CA12: variants seen among roughly 807,000 people sequenced by gnomAD.
CA12 encodes the protein carbonate dehydratase XII.
Under a neutral mutation model 46.8 loss-of-function variants are expected in CA12, and 36 were observed. That is an observed-to-expected ratio of 0.77 (90% CI 0.59 to 1.02). The LOEUF (loss-of-function observed/expected upper bound fraction) is 1.02. Among genes scored for constraint, CA12 ranks in the 50% least tolerant of loss-of-function variants. CA12 has a pLI of 0.00. For missense variants in CA12, 436 were observed against 451.4 expected (o/e 0.97, Z 0.31); for synonymous variants, 202 against 187.0 (o/e 1.08, Z -0.65).
rs1453932501 is a variant in CA12, at chr15:63,327,004, A to G, written c.992+145T>C. On this transcript the variant is annotated intron_variant, in intron 10 of 10. Transcript: ENST00000178638. This position sits in a 1 kb window ranked among gnomAD's most constrained non-coding sequence, Gnocchi z 4.5. The stretch of plus-strand genomic sequence containing the variant: ...CGTCTCATGCAAAGGAGGCCAGGGC[A>G]CGGGTGCTTTGGGGACGGCCCTCCT... The G allele has an allele frequency of 2.8e-6, 2 of 706,130 alleles. No homozygotes were observed. The highest frequency in any genetic ancestry group is 3.5e-5 in the African/African-American group (2 of 57,080). The allele number at this position is 706,130 out of a possible 1,614,324, so 43.7% of individuals were successfully genotyped here. A position where few individuals can be genotyped will look rare whatever the true frequency, so the allele number is the denominator to read the frequency against.
rs1196870049 is a variant in CA12, at chr15:63,348,899, G to A, written c.107-2190C>T. On this transcript the variant is annotated intron_variant, in intron 2 of 10. Transcript: ENST00000178638. The surrounding 1 kb of genome is among the most constrained non-coding windows in gnomAD (Gnocchi z 4.6). ...AGGGCTTGGGAAAATGTGACTTGGG[G>A]AATGTTTCCTTTTTCTCTTGCTCTA... 6.6e-6 allele frequency among the ~76,000 whole-genome samples: 1 copy of A among 152,238 alleles called. No individual in the cohort carries two copies.
intron 4 of CA12, among the ~76,000 whole-genome samples, chr15:63,344,690 C>A (rs1004589175): frequency 2.8e-4 from 43 of 152,198 alleles, no homozygotes; most frequent in African/African-American, 5.8e-4. Context: ...CCTGGCTGAT[C>A]AGTCAGCAGC....
Position 63,329,843 on chromosome 15 carries a change from G to T in CA12, c.875-1713C>A, listed in dbSNP as rs537457800. Among the ~76,000 whole-genome samples, 1 of 152,282 alleles carries T rather than the reference G, an allele frequency of 6.6e-6. No homozygotes were observed. The highest frequency in any genetic ancestry group is 2.1e-4 in the South Asian group (1 of 4,818). The stretch of plus-strand genomic sequence containing the variant: ...TTTGCTCACTGCCCCTTCTCCTGTC[G>T]TATGGCCCAAGTCTAGCTGATTCCC... On this transcript the variant is annotated intron_variant, in intron 8 of 10. Coordinates refer to ENST00000178638, the MANE Select transcript of CA12 (RefSeq NM_001218.5). This position sits in a 1 kb window ranked among gnomAD's most constrained non-coding sequence, Gnocchi z 4.8.
chr15:63,370,720 C>G (rs1003716183), intron 2 of CA12, among the ~76,000 whole-genome samples: 2 of 151,422 alleles, frequency 1.3e-5, no homozygotes, highest in African/African-American at 4.9e-5. Flanking sequence ...TTGCAGTGAG[C>G]CAAGATTGCA....
rs1349908579 is a variant in CA12, at chr15:63,329,901, T to C, written c.875-1771A>G. On this transcript the variant is annotated intron_variant, in intron 8 of 10. Coordinates refer to ENST00000178638, the MANE Select transcript of CA12 (RefSeq NM_001218.5). The surrounding 1 kb of genome is among the most constrained non-coding windows in gnomAD (Gnocchi z 4.8). ...CATCAGCCGTGTGCTTTTCCGATTG[T>C]CTTTTTCTGCAATCTCACATTGAAC... Among the ~76,000 whole-genome samples the C allele has an allele frequency of 6.6e-6, 1 of 152,194 alleles. No individual in the cohort carries two copies. The highest frequency in any genetic ancestry group is 1.9e-4 in the East Asian group (1 of 5,198).
rs2038926340 is a variant in CA12, at chr15:63,330,653, G to A, written c.875-2523C>T. ...TTCATGCCTGGTCTTGGGGAGCTGA[G>A]CAAAGTCTATGGAGAGCAAGGCCCC... On this transcript the variant is annotated intron_variant, in intron 8 of 10. Coordinates refer to ENST00000178638, the MANE Select transcript of CA12 (RefSeq NM_001218.5). This position sits in a 1 kb window ranked among gnomAD's most constrained non-coding sequence, Gnocchi z 4.0. Among the ~76,000 whole-genome samples, 1 of 152,176 alleles carries A rather than the reference G, an allele frequency of 6.6e-6. No homozygotes were observed. The highest frequency in any genetic ancestry group is 1.5e-5 in the Non-Finnish European group (1 of 68,024).
rs2038890009 is a variant in CA12, at chr15:63,328,044, A to G, written c.907+54T>C. 6.4e-7 allele frequency: 1 copy of G among 1,555,560 alleles called. No individual in the cohort carries two copies. The highest frequency in any genetic ancestry group is 2.2e-5 in the East Asian group (1 of 44,602). ...GAGGACGGGCTTGGATCACACCAAGAATCACAGTGATCACCCAGCTGCAGC... is the reference window on the plus strand; with the variant it reads ...GAGGACGGGCTTGGATCACACCAAGGATCACAGTGATCACCCAGCTGCAGC... On this transcript the variant is annotated intron_variant, in intron 9 of 10. Coordinates refer to ENST00000178638, the MANE Select transcript of CA12 (RefSeq NM_001218.5). This position sits in a 1 kb window ranked among gnomAD's most constrained non-coding sequence, Gnocchi z 5.9.
rs1161922346 is a variant in CA12, at chr15:63,355,135, C to A, written c.107-8426G>T. 6.6e-6 allele frequency among the ~76,000 whole-genome samples: 1 copy of A among 152,180 alleles called. No individual in the cohort carries two copies. The highest frequency in any genetic ancestry group is 1.9e-4 in the East Asian group (1 of 5,204). ...TTCATCGTGGAGAGGCTCTGCCCAC[C>A]TCTCTCTGGACTTTTCTGTGTCTGC... On this transcript the variant is annotated intron_variant, in intron 2 of 10. Transcript: ENST00000178638. The surrounding 1 kb of genome is among the most constrained non-coding windows in gnomAD (Gnocchi z 4.1).
Position 63,341,902 on chromosome 15 carries a change from GAACAGCTGATTATC to G in CA12, c.525+86_525+99del. The G allele has an allele frequency of 1.2e-6, 1 of 824,040 alleles. No homozygotes were observed. The highest frequency in any genetic ancestry group is 1.4e-5 in the South Asian group (1 of 69,926). The allele number at this position is 824,040 out of a possible 1,614,324, so 51.0% of individuals were successfully genotyped here. ...TGGAGTTGACACGGAGTCGATACAG[GAACAGCTGATTATC>G]AACAGGTATGCATGGAACAAAAGGT... On this transcript the variant is annotated intron_variant, in intron 5 of 10. Coordinates refer to ENST00000178638, the MANE Select transcript of CA12 (RefSeq NM_001218.5). This position sits in a 1 kb window ranked among gnomAD's most constrained non-coding sequence, Gnocchi z 5.2.
At chr15:63,354,690 C>G (rs1013167033) in intron 2 of CA12, among the ~76,000 whole-genome samples, 1 of 152,184 alleles carries the variant, frequency 6.6e-6, no homozygotes, top group Non-Finnish European at 1.5e-5. Flanking sequence ...CTCTGTGGCT[C>G]TAGTCACAGG....
At position 63,326,223 on chromosome 15, in the gene CA12, G is replaced by T; in HGVS notation, c.*62C>A. On this transcript the variant is annotated 3_prime_UTR_variant, in exon 11 of 11. Transcript: ENST00000178638. ...TTGAGGTGTCGCAAGTGTCCAGAGA[G>T]CCGAAGTGTGTAGGGTCCAAAGCAA... 8.0e-7 allele frequency: 1 copy of T among 1,250,572 alleles called. No individual in the cohort carries two copies. Among genetic ancestry groups the T allele is most frequent in the Non-Finnish European group, 1.2e-6 (1 of 848,992 alleles). 77.5% of individuals were successfully genotyped at this position (1,250,572 alleles called of 1,614,324 possible). A position where few individuals can be genotyped will look rare whatever the true frequency, so the allele number is the denominator to read the frequency against.
chr15:63,353,631 A>G (rs1360555292), intron 2 of CA12, among the ~76,000 whole-genome samples: 1 of 152,206 alleles, frequency 6.6e-6, no homozygotes, highest in Admixed American at 6.5e-5. Context: ...GCTAAGCCAC[A>G]GGACTCAGAG....
chr15:63,345,750 G>T lies in CA12; in HGVS notation c.287-131C>A, dbSNP rs532549468. On this transcript the variant is annotated intron_variant, in intron 3 of 10. Coordinates refer to ENST00000178638, the MANE Select transcript of CA12 (RefSeq NM_001218.5). The surrounding 1 kb of genome is among the most constrained non-coding windows in gnomAD (Gnocchi z 4.3). ...GCCCAGAGAGAGGCAGGTGGATGGA[G>T]TGAGGTGCGGAGCAGAGATGCAGCC... The T allele has an allele frequency of 2.5e-6, 3 of 1,190,618 alleles. No homozygotes were observed. The East Asian group carries it at 7.7e-5, about 30-fold the overall frequency. 73.8% of individuals were successfully genotyped at this position (1,190,618 alleles called of 1,614,324 possible). A position where few individuals can be genotyped will look rare whatever the true frequency, so the allele number is the denominator to read the frequency against.
At chr15:63,366,474 C>A (rs2039436176) in intron 2 of CA12, among the ~76,000 whole-genome samples, 1 of 152,210 alleles carries the variant, frequency 6.6e-6, no homozygotes, top group Admixed American at 6.5e-5. Flanking sequence ...TAAGGCCCCG[C>A]TTAATTGCTC....
chr15:63,342,194 C>T (rs1237915266), intron 4 of CA12, 97 bp from the exon 5 acceptor site: 17 of 794,906 alleles, frequency 2.1e-5, no homozygotes, highest in Non-Finnish European at 3.3e-5. Flanking sequence ...GGACAGAACC[C>T]CAGCCCCCTC....
chr15:63,367,261 C>T (rs572441555), intron 2 of CA12, among the ~76,000 whole-genome samples: 2 of 152,334 alleles, frequency 1.3e-5, no homozygotes, highest in South Asian at 2.1e-4. Context: ...GAAGAATAGA[C>T]ATTTGCTCAA....
intron 8 of CA12, among the ~76,000 whole-genome samples, chr15:63,336,543 C>CTTTTTTTT (rs71998323): frequency 9.3e-5 from 8 of 86,216 alleles, no homozygotes; most frequent in Admixed American, 1.5e-4. Flanking sequence ...TCCAACCTGG[C>CTTTTTTTT]TTTTTTTTTT....
Position 63,345,929 on chromosome 15 carries a change from G to T in CA12, c.287-310C>A, listed in dbSNP as rs2039141341. 6.6e-6 allele frequency among the ~76,000 whole-genome samples: 1 copy of T among 152,170 alleles called. No individual in the cohort carries two copies. The highest frequency in any genetic ancestry group is 6.5e-5 in the Admixed American group (1 of 15,282). ...ATGGGTGTTTATTTACATATTGATG[G>T]ATCAGACACCTTTAGTGAAGTACCT... On this transcript the variant is annotated intron_variant, in intron 3 of 10. Transcript: ENST00000178638. This position sits in a 1 kb window ranked among gnomAD's most constrained non-coding sequence, Gnocchi z 4.3.
intron 2 of CA12, among the ~76,000 whole-genome samples, chr15:63,352,707 T>C (rs2152620487): frequency 6.6e-6 from 1 of 152,302 alleles, no homozygotes; most frequent in Non-Finnish European, 1.5e-5. Flanking sequence ...AGTGGCAAAG[T>C]TTACACATTC....
Sources: allele counts gnomAD v4.1 joint callset (sites outside exome capture counted in the v4.1 genomes callset), GRCh38; gene constraint gnomAD v4.1.1; non-coding constraint Gnocchi (gnomAD v3.1); transcripts MANE v1.5; gene names NCBI Gene and HGNC (gene_info 2026-07-23, HGNC 2026-07-21).